The following MORC1 variants were observed in gnomAD, a reference collection of about 807,000 sequenced individuals.
MORC1 encodes the protein MORC family CW-type zinc finger 1, also known as MORC family CW-type zinc finger protein 1.
MORC1 carries 59 observed loss-of-function variants against 134.9 expected under a neutral mutation model. That is an observed-to-expected ratio of 0.44 (90% CI 0.35 to 0.54). The LOEUF is 0.54. MORC1 is among the 20% of genes least tolerant of loss of function. MORC1 has a pLI of 0.00. For synonymous variants in MORC1, 395 were observed against 391.7 expected, an observed-to-expected ratio of 1.01 and a Z score of -0.10; for missense variants, 947 against 1,134.5, an observed-to-expected ratio of 0.83 and a Z score of 2.37.
At chr3:109,105,626 C>G (rs1951017194) in intron 3 of MORC1, among the ~76,000 whole-genome samples, 2 of 150,904 alleles carry the variant, frequency 1.3e-5, no homozygotes, top group South Asian at 4.2e-4. Context: ...TTGCAGTAAG[C>G]TATGATCACA....
At chr3:109,044,211 A>G (rs1016886602) in intron 14 of MORC1, among the ~76,000 whole-genome samples, 5 of 152,294 alleles carry the variant, frequency 3.3e-5, no homozygotes, top group African/African-American at 9.6e-5. Context: ...TACTTTATTC[A>G]GTAGATTCCT....
At chr3:109,087,083 A>T (rs1302214166) in intron 8 of MORC1, among the ~76,000 whole-genome samples, 2 of 152,108 alleles carry the variant, frequency 1.3e-5, no homozygotes, top group Admixed American at 1.3e-4. Context: ...CAATGAGTTA[A>T]TATTTGTAAT....
intron 8 of MORC1, among the ~76,000 whole-genome samples, chr3:109,073,293 A>C (rs563836484): frequency 2.0e-5 from 3 of 152,262 alleles, no homozygotes; most frequent in South Asian, 4.1e-4. Context: ...AGGAGCCAGA[A>C]ACTAATGTTC....
intron 26 of MORC1, among the ~76,000 whole-genome samples, chr3:108,969,106 TA>T (rs1027291151): frequency 1.5e-4 from 22 of 151,344 alleles, no homozygotes; most frequent in Admixed American, 1.2e-3. Context: ...TGATAACTGT[TA>T]AAAAAAAATC....
At chr3:109,015,295 T>C (rs1194476782) in intron 17 of MORC1, among the ~76,000 whole-genome samples, 2 of 152,098 alleles carry the variant, frequency 1.3e-5, no homozygotes, top group East Asian at 1.9e-4. Context: ...CAGCAAGAGA[T>C]AGGGGAAGAA....
chr3:109,108,367 T>C (rs1055615911), intron 3 of MORC1, among the ~76,000 whole-genome samples: 1 of 152,218 alleles, frequency 6.6e-6, no homozygotes, highest in Admixed American at 6.5e-5. Context: ...ACATTTGTTA[T>C]ATTTTGTGAC....
chr3:109,063,164 C>G lies in MORC1; in HGVS notation c.883G>C (p.Ala295Pro). The G allele has an allele frequency of 6.3e-7, 1 of 1,597,642 alleles. No individual in the cohort carries two copies. The highest frequency in any genetic ancestry group is 8.6e-7 in the Non-Finnish European group (1 of 1,166,658). ...GGTAATCGCATACCAATCTTTACTG[C>G]TTCTTCTGCCTTTTTAACTTCATCT... ...FKDEVKKAEE[A>P]VKIAESILKE... The change falls in exon 10 of 28, where the codon GCA (alanine) becomes CCA (proline). Residue 295 changes from alanine (A) to proline (P), a missense_variant. By Grantham distance (27) the Ala-to-Pro change is conservative. Around this residue, in one of 3 missense-constraint regions of MORC1, gnomAD observed 722 missense variants for 817.0 expected, o/e 0.88. Coordinates refer to ENST00000232603, the MANE Select transcript of MORC1 (RefSeq NM_014429.4).
chr3:109,108,702 C>T (rs1303742146), intron 3 of MORC1, among the ~76,000 whole-genome samples: 1 of 152,096 alleles, frequency 6.6e-6, no homozygotes, highest in East Asian at 1.9e-4. Flanking sequence ...TCAAGACCAT[C>T]CTGGCTAACA....
intron 15 of MORC1, among the ~76,000 whole-genome samples, chr3:109,033,714 A>C (rs1046621710): frequency 8.5e-5 from 13 of 152,148 alleles, no homozygotes; most frequent in African/African-American, 3.1e-4. Context: ...TTATATTAGT[A>C]CTTATCTAAA....
chr3:108,994,828 CT>C (rs1948155228), intron 21 of MORC1, among the ~76,000 whole-genome samples: 1 of 152,096 alleles, frequency 6.6e-6, no homozygotes, highest in Non-Finnish European at 1.5e-5. Flanking sequence ...ATTTGCTTTC[CT>C]GGCCATCTAT....
chr3:108,997,009 CAA>C (rs36087713), intron 21 of MORC1, among the ~76,000 whole-genome samples: 171 of 31,528 alleles, frequency 5.4e-3, no homozygotes, highest in African/African-American at 0.017. Context: ...GACTCTGTCT[CAA>C]AAAAAAAAAA....
chr3:108,965,039 G>A (rs1330967660), intron 26 of MORC1, among the ~76,000 whole-genome samples: 1 of 152,158 alleles, frequency 6.6e-6, no homozygotes, highest in Non-Finnish European at 1.5e-5. Context: ...GGCAAACCCA[G>A]GGAGAGATAT....
At chr3:108,965,726 C>T (rs1161500150) in intron 26 of MORC1, among the ~76,000 whole-genome samples, 1 of 152,076 alleles carries the variant, frequency 6.6e-6, no homozygotes, top group Non-Finnish European at 1.5e-5. Context: ...TAATTATGCA[C>T]TGGGGAAACC....
intron 1 of MORC1, among the ~76,000 whole-genome samples, chr3:109,117,660 G>A (rs911025972): frequency 1.3e-5 from 2 of 152,190 alleles, no homozygotes; most frequent in African/African-American, 2.4e-5. Flanking sequence ...CAACTTTAAT[G>A]TTTAAATTGT....
At chr3:109,044,322 G>T (rs1254178498) in intron 14 of MORC1, among the ~76,000 whole-genome samples, 1 of 152,116 alleles carries the variant, frequency 6.6e-6, no homozygotes, top group African/African-American at 2.4e-5. Flanking sequence ...ACTTTGGGAG[G>T]CTGAGGCGGG....
intron 25 of MORC1, 121 bp from the exon 26 acceptor site, chr3:108,969,843 T>C (rs375766026): frequency 3.3e-5 from 28 of 850,952 alleles, no homozygotes; most frequent in East Asian, 3.1e-4. Context: ...CTGGCCAACA[T>C]TGGTACTATG....
chr3:109,091,206 G>A lies in MORC1; in HGVS notation c.689+2230C>T, dbSNP rs866816390. On this transcript the variant is annotated intron_variant, in intron 8 of 27. Transcript: ENST00000232603. ...TGCCTGTAATCCCAGCACTTTGGCAGGCTGGGGGAGTAGATCACCTGAAGT... is the reference window on the plus strand; with the variant it reads ...TGCCTGTAATCCCAGCACTTTGGCAAGCTGGGGGAGTAGATCACCTGAAGT... Among the ~76,000 whole-genome samples, 29 of 151,994 alleles carry A rather than the reference G, an allele frequency of 1.9e-4. 2 individuals carry two copies. The highest frequency in any genetic ancestry group is 6.8e-4 in the African/African-American group (28 of 41,332).
chr3:109,049,308 C>T (rs563474661), intron 14 of MORC1: 28 of 209,986 alleles, frequency 1.3e-4, no homozygotes, highest in Non-Finnish European at 2.1e-4. Flanking sequence ...TATTATTTCT[C>T]ACTTTCAAAA....
Position 109,117,983 on chromosome 3 carries a change from C to T in MORC1, c.65+12G>A, listed in dbSNP as rs1951307551. 1 of 1,589,126 alleles carries T rather than the reference C, an allele frequency of 6.3e-7. No individual in the cohort carries two copies. On this transcript the variant is annotated intron_variant, in intron 1 of 27. Coordinates refer to ENST00000232603, the MANE Select transcript of MORC1 (RefSeq NM_014429.4). ...AGACCCTCCCCGACCCCGACCCCACCTCGGCACTCACGAGTTGGCGTGGAT... is the reference window on the plus strand; with the variant it reads ...AGACCCTCCCCGACCCCGACCCCACTTCGGCACTCACGAGTTGGCGTGGAT...
Sources: gnomAD v4.1 joint callset for allele counts (sites outside exome capture counted in the v4.1 genomes callset) on GRCh38, gnomAD v4.1.1 for gene constraint, gnomAD v4.1.1 regional missense constraint, MANE v1.5 for transcripts, NCBI Gene and HGNC (gene_info 2026-07-23, HGNC 2026-07-21) for gene names.